CASZ1: variants seen among roughly 807,000 people sequenced by gnomAD.
The protein encoded by CASZ1 is zinc finger protein castor homolog 1.
A neutral mutation model predicts 135.2 loss-of-function variants in CASZ1; 28 were observed. That is an observed-to-expected ratio of 0.21 (90% CI 0.15 to 0.28). The LOEUF (loss-of-function observed/expected upper bound fraction) is 0.28, where lower values mean the gene tolerates loss of function less well. Ranked by LOEUF, CASZ1 falls within the 10% of genes least tolerant of loss-of-function variation. CASZ1 has a pLI of 1.00. For synonymous variants in CASZ1, 1,068 were observed against 1,073.4 expected (o/e 0.99, Z 0.10); for missense variants, 2,161 against 2,453.3 (o/e 0.88, Z 2.52).
chr1:10,674,501 G>A (rs910209835), intron 4 of CASZ1, among the ~76,000 whole-genome samples: 2 of 152,252 alleles, frequency 1.3e-5, no homozygotes, highest in African/African-American at 4.8e-5. Context: ...AAGACAAATC[G>A]ACTCCAGAGA....
intron 1 of CASZ1, among the ~76,000 whole-genome samples, chr1:10,779,377 A>G (rs925057361): frequency 6.7e-6 from 1 of 149,184 alleles, no homozygotes; most frequent in African/African-American, 2.5e-5. Context: ...TGAGTCACCG[A>G]TACGCCTCAG....
intron 5 of CASZ1, chr1:10,660,850 C>G (rs909480169): frequency 5.3e-6 from 2 of 378,508 alleles, no homozygotes; most frequent in Non-Finnish European, 9.6e-6. Context: ...CGCTCTCTCG[C>G]CTTGGCCTAA....
chr1:10,671,641 T>C (rs1015573860), intron 4 of CASZ1, among the ~76,000 whole-genome samples: 6 of 152,146 alleles, frequency 3.9e-5, no homozygotes, highest in African/African-American at 1.4e-4. Context: ...AGCTTTTCCC[T>C]TTCCCAGCCC....
At chr1:10,693,792 C>T in intron 4 of CASZ1, 82 bp downstream of exon 4, 1 of 1,241,986 alleles carries the variant, frequency 8.1e-7, no homozygotes, top group Non-Finnish European at 1.2e-6. Context: ...GCCGCCACCT[C>T]ATTGGGCTAA....
chr1:10,715,684 C>T (rs1368879030), intron 2 of CASZ1, among the ~76,000 whole-genome samples: 1 of 141,930 alleles, frequency 7.0e-6, no homozygotes, highest in Non-Finnish European at 1.5e-5. Context: ...AATCCGCTCC[C>T]TGCAGCACCC....
chr1:10,694,439 G>T lies in CASZ1; in HGVS notation c.-23-527C>A. 2.5e-6 allele frequency: 1 copy of T among 404,216 alleles called. No individual in the cohort carries two copies. The allele number at this position is 404,216 out of a possible 1,614,324, so 25.0% of individuals were successfully genotyped here. ...TCATTGCTCCTGCCGGTAACACTCAGGGTAACAGTTTGGCAGGAGGGAGCG... is the reference window on the plus strand; with the variant it reads ...TCATTGCTCCTGCCGGTAACACTCATGGTAACAGTTTGGCAGGAGGGAGCG... On this transcript the variant is annotated intron_variant, in intron 3 of 20. Transcript: ENST00000377022. The surrounding 1 kb of genome is among the most constrained non-coding windows in gnomAD (Gnocchi z 6.6).
At chr1:10,740,787 C>G (rs780331488) in intron 2 of CASZ1, among the ~76,000 whole-genome samples, 1 of 151,614 alleles carries the variant, frequency 6.6e-6, no homozygotes, top group African/African-American at 2.4e-5. Context: ...TGTGTCTCCA[C>G]AAAAAAAATT....
At chr1:10,649,245 G>T (rs746132314) in intron 14 of CASZ1, 38 bp downstream of exon 14, 1 of 1,606,546 alleles carries the variant, frequency 6.2e-7, no homozygotes, top group Non-Finnish European at 8.5e-7. Flanking sequence ...GGGCGGGTGC[G>T]GGGGGACGAT....
In CASZ1 at chr1:10,638,986, G is replaced by A. The variant is rs1197394819; in HGVS notation, c.5236C>T (p.Leu1746=). The change falls in exon 21 of 21, where the codon CTG becomes TTG. Residue 1746 remains leucine (L), a synonymous_variant. Coordinates refer to ENST00000377022, the MANE Select transcript of CASZ1 (RefSeq NM_001079843.3). The surrounding 1 kb of genome is among the most constrained non-coding windows in gnomAD (Gnocchi z 5.9). ...RTPALAALAA[L]GAPGPAPTAA... The stretch of plus-strand genomic sequence containing the variant: ...GTGGGCGCGGGGCCGGGGGCGCCCA[G>A]GGCCGCCAGCGCCGCCAAGGCCGGG... The A allele has an allele frequency of 4.1e-6, 4 of 981,706 alleles. No individual in the cohort carries two copies. Among genetic ancestry groups the A allele is most frequent in the Middle Eastern group, 5.2e-4 (1 of 1,934 alleles). 60.8% of individuals were successfully genotyped at this position (981,706 alleles called of 1,614,324 possible). A position where few individuals can be genotyped will look rare whatever the true frequency, so the allele number is the denominator to read the frequency against.
chr1:10,691,950 T>G (rs2100402928), intron 4 of CASZ1, among the ~76,000 whole-genome samples: 1 of 152,296 alleles, frequency 6.6e-6, no homozygotes, highest in Admixed American at 6.5e-5. Flanking sequence ...TGAGTCCCAC[T>G]GGGAGTGCTC....
Position 10,713,865 on chromosome 1 carries a change from C to T in CASZ1, c.-76-8321G>A, listed in dbSNP as rs142852224. 2.7e-3 allele frequency among the ~76,000 whole-genome samples: 410 copies of T among 152,372 alleles called. 2 individuals are homozygous for T. Among genetic ancestry groups the T allele is most frequent in the Non-Finnish European group, 4.7e-3 (319 of 68,036 alleles). On this transcript the variant is annotated intron_variant, in intron 2 of 20. Coordinates refer to ENST00000377022, the MANE Select transcript of CASZ1 (RefSeq NM_001079843.3). ...CTGCAAGGGGAACCTTCTCTGTCTTCCAGCAGGCCCTGGCTCAGGAGCTCC... is the reference window on the plus strand; with the variant it reads ...CTGCAAGGGGAACCTTCTCTGTCTTTCAGCAGGCCCTGGCTCAGGAGCTCC...
chr1:10,666,695 C>T lies in CASZ1; in HGVS notation c.17-1124G>A, dbSNP rs1334245332. ...GCGGCCGCATAGCCCAAACTCTGTC[C>T]CTGATAGGGCACCGAGGGTCCTGGG... On this transcript the variant is annotated intron_variant, in intron 4 of 20. Transcript: ENST00000377022. This position sits in a 1 kb window ranked among gnomAD's most constrained non-coding sequence, Gnocchi z 5.2. Among the ~76,000 whole-genome samples the T allele has an allele frequency of 1.3e-5, 2 of 152,210 alleles. No homozygotes were observed. Among genetic ancestry groups the T allele is most frequent in the Non-Finnish European group, 2.9e-5 (2 of 68,032 alleles).
At chr1:10,698,126 G>C (rs576121728) in intron 3 of CASZ1, among the ~76,000 whole-genome samples, 2 of 152,272 alleles carry the variant, frequency 1.3e-5, no homozygotes, top group Non-Finnish European at 2.9e-5. Flanking sequence ...GGGCCGCGCC[G>C]AGTGTAAGGC....
chr1:10,763,241 G>A (rs528717563), intron 1 of CASZ1, among the ~76,000 whole-genome samples: 3 of 152,204 alleles, frequency 2.0e-5, no homozygotes, highest in South Asian at 2.1e-4. Flanking sequence ...TGTGACCAGC[G>A]GCTCCATGGT....
chr1:10,650,789 ACGGCCGGGGCCTGGGC>A (rs1557466090), intron 12 of CASZ1, 34 bp from the exon 13 acceptor site: 5 of 1,595,224 alleles, frequency 3.1e-6, no homozygotes, highest in Non-Finnish European at 4.3e-6. Flanking sequence ...TTGAGCTCAG[ACGGCCGGGGCCTGGGC>A]CCTGGGGCTC....
chr1:10,678,708 T>C (rs80038809), intron 4 of CASZ1, among the ~76,000 whole-genome samples: 94 of 152,030 alleles, frequency 6.2e-4, no homozygotes, highest in Non-Finnish European at 7.4e-4. Flanking sequence ...TAAAGTGACA[T>C]AAACGTCCCG....
intron 2 of CASZ1, among the ~76,000 whole-genome samples, chr1:10,749,745 G>A (rs867368146): frequency 6.6e-6 from 1 of 152,180 alleles, no homozygotes; most frequent in South Asian, 2.1e-4. Context: ...CTGGGGTTGC[G>A]AGAGGACCCA....
chr1:10,724,886 T>C lies in CASZ1; in HGVS notation c.-76-19342A>G, dbSNP rs1639569082. ...GTGCTCAACTTCTCTCTTTCTCCTC[T>C]TTCTCTGAAGTTTCCTTGTGGTTTG... On this transcript the variant is annotated intron_variant, in intron 2 of 20. Transcript: ENST00000377022. This position sits in a 1 kb window ranked among gnomAD's most constrained non-coding sequence, Gnocchi z 4.1. Among the ~76,000 whole-genome samples the C allele has an allele frequency of 6.6e-6, 1 of 152,226 alleles. No homozygotes were observed. The highest frequency in any genetic ancestry group is 2.1e-4 in the South Asian group (1 of 4,836).
At chr1:10,658,369 G>T in intron 7 of CASZ1, 139 bp downstream of exon 7, 1 of 681,270 alleles carries the variant, frequency 1.5e-6, no homozygotes, top group Non-Finnish European at 2.6e-6. Flanking sequence ...GTGCGGTGGA[G>T]GGACCGAAGT....
Sources: gnomAD v4.1 joint callset for allele counts (sites outside exome capture counted in the v4.1 genomes callset) on GRCh38, gnomAD v4.1.1 for gene constraint, Gnocchi (gnomAD v3.1) non-coding constraint, MANE v1.5 for transcripts, NCBI Gene and HGNC (gene_info 2026-07-23, HGNC 2026-07-21) for gene names.